Variants in SORBS2 observed in about 807,000 individuals in gnomAD.
The protein encoded by SORBS2 is sorbin and SH3 domain-containing protein 2.
SORBS2 carries 46 observed loss-of-function variants against 97.7 expected under a neutral mutation model. That is an observed-to-expected ratio of 0.47 (90% confidence interval 0.37 to 0.60). SORBS2 has a LOEUF of 0.60. Ranked by LOEUF, SORBS2 falls within the 20% of genes least tolerant of loss-of-function variation. The probability of loss-of-function intolerance (pLI) is 0.00; values close to 1 mark genes in which losing one functional copy is unlikely to be tolerated. For missense variants in SORBS2, 1,316 were observed against 1,282.3 expected, an observed-to-expected ratio of 1.03 and a Z score of -0.40; for synonymous variants, 476 against 473.4, an observed-to-expected ratio of 1.01 and a Z score of -0.07.
intron 12 of SORBS2, among the ~76,000 whole-genome samples, chr4:185,603,727 T>G (rs9918021): frequency 6.6e-6 from 1 of 152,242 alleles, no homozygotes; most frequent in Non-Finnish European, 1.5e-5. Flanking sequence ...AATTTCATGC[T>G]GTGGTTGTCA....
chr4:185,924,037 C>A (rs1417181178), intron 1 of SORBS2, among the ~76,000 whole-genome samples: 1 of 152,180 alleles, frequency 6.6e-6, no homozygotes, highest in Non-Finnish European at 1.5e-5. Flanking sequence ...CTCTTTATCT[C>A]CAGGTGGTAC....
chr4:185,817,623 G>A (rs1014085340), intron 1 of SORBS2, among the ~76,000 whole-genome samples: 2 of 152,192 alleles, frequency 1.3e-5, no homozygotes, highest in African/African-American at 4.8e-5. Context: ...AAAAAGCACT[G>A]GGCTCTGCCG....
chr4:185,648,330 G>A (rs1323391264), intron 3 of SORBS2, among the ~76,000 whole-genome samples: 1 of 152,008 alleles, frequency 6.6e-6, no homozygotes. Context: ...TCCTGGCCAA[G>A]GTGGTGAAAC....
chr4:185,766,365 C>T lies in SORBS2; in HGVS notation c.-198+8862G>A, dbSNP rs9994715. ...ACATTTAGATGGCCATATTGGGTTT[C>T]GGATAGTCTCCCATTCTTAACCATG... On this transcript the variant is annotated intron_variant, in intron 2 of 20. Transcript: ENST00000284776. Among the ~76,000 whole-genome samples the T allele has an allele frequency of 7.7e-3, 1,165 of 152,220 alleles. 15 individuals carry two copies. The highest frequency in any genetic ancestry group is 0.027 in the African/African-American group (1,111 of 41,532).
chr4:185,928,660 C>T (rs2099264915), intron 1 of SORBS2, among the ~76,000 whole-genome samples: 1 of 152,116 alleles, frequency 6.6e-6, no homozygotes, highest in African/African-American at 2.4e-5. Context: ...ATTCTCCTGC[C>T]TCATCCTCCC....
In SORBS2 at chr4:185,636,365, G is replaced by A. The variant is rs190229637; in HGVS notation, c.397-5767C>T. Among the ~76,000 whole-genome samples, 92 of 152,242 alleles carry A rather than the reference G, an allele frequency of 6.0e-4. 1 individual carries two copies. In the East Asian group the frequency reaches 0.018, roughly 29 times the overall value. ...AGTCACTTTTGATTCAGTTCAATAAGCTACCTTGAGTCTAACCAAGTCTCC... is the reference window on the plus strand; with the variant it reads ...AGTCACTTTTGATTCAGTTCAATAAACTACCTTGAGTCTAACCAAGTCTCC... On this transcript the variant is annotated intron_variant, in intron 4 of 14. Coordinates refer to ENST00000418609, the Ensembl canonical transcript of SORBS2.
intron 2 of SORBS2, among the ~76,000 whole-genome samples, chr4:185,689,768 T>C (rs1279681028): frequency 6.6e-6 from 1 of 152,224 alleles, no homozygotes; most frequent in African/African-American, 2.4e-5. Context: ...AGAGAATATC[T>C]TGGGCCATCC....
At chr4:185,925,384 A>G (rs2099263103) in intron 1 of SORBS2, among the ~76,000 whole-genome samples, 1 of 151,682 alleles carries the variant, frequency 6.6e-6, no homozygotes, top group South Asian at 2.1e-4. Context: ...AGTGCAAGAA[A>G]GGGACACATT....
intron 2 of SORBS2, among the ~76,000 whole-genome samples, chr4:185,744,107 C>T (rs2098745593): frequency 6.9e-6 from 1 of 145,140 alleles, no homozygotes; most frequent in African/African-American, 2.6e-5. Context: ...TTCTCTTCTC[C>T]CCCTCCTCCT....
chr4:185,814,530 ACT>A (rs2099192082), intron 1 of SORBS2, among the ~76,000 whole-genome samples: 1 of 151,336 alleles, frequency 6.6e-6, no homozygotes, highest in Non-Finnish European at 1.5e-5. Context: ...ACAGAGGGAG[ACT>A]CTGTCTCTGT....
intron 1 of SORBS2, among the ~76,000 whole-genome samples, chr4:185,876,189 C>T (rs139128029): frequency 0.032 from 4,836 of 152,206 alleles, 123 homozygotes; most frequent in South Asian, 0.052. Context: ...CCCTTTGCAA[C>T]CCCCACTGCC....
chr4:185,871,519 C>A (rs1004874571), intron 1 of SORBS2, among the ~76,000 whole-genome samples: 1 of 152,166 alleles, frequency 6.6e-6, no homozygotes, highest in African/African-American at 2.4e-5. Context: ...ATGCTAAAAC[C>A]CACACTCACA....
At chr4:185,930,388 G>A (rs567615036) in intron 1 of SORBS2, among the ~76,000 whole-genome samples, 4 of 152,094 alleles carry the variant, frequency 2.6e-5, no homozygotes, top group South Asian at 2.1e-4. Context: ...TCCACCACCC[G>A]GGTTCACGCT....
intron 1 of SORBS2, among the ~76,000 whole-genome samples, chr4:185,860,354 G>T (rs1312721011): frequency 6.6e-6 from 1 of 152,340 alleles, no homozygotes; most frequent in Non-Finnish European, 1.5e-5. Flanking sequence ...TCGATAATGA[G>T]TGCCATGCAG....
At chr4:185,602,922 G>A (rs1434527427) in intron 12 of SORBS2, among the ~76,000 whole-genome samples, 2 of 152,148 alleles carry the variant, frequency 1.3e-5, no homozygotes, top group African/African-American at 4.8e-5. Flanking sequence ...TTCAAAAATT[G>A]AGATTTCCTC....
chr4:185,945,671 T>C (rs1032418347), intron 1 of SORBS2, among the ~76,000 whole-genome samples: 5 of 152,204 alleles, frequency 3.3e-5, no homozygotes, highest in African/African-American at 1.2e-4. Flanking sequence ...TTCTCGAGAA[T>C]CAGGCAAACA....
At chr4:185,615,116 T>G in exon 10 of SORBS2, 1 of 1,613,762 alleles carries the variant, frequency 6.2e-7, no homozygotes, top group South Asian at 1.1e-5. Flanking sequence ...TGATCAATTT[T>G]CCTGAGGATG....
chr4:185,674,096 G>A (rs367950365), intron 4 of SORBS2, among the ~76,000 whole-genome samples: 89 of 152,240 alleles, frequency 5.8e-4, no homozygotes, highest in African/African-American at 1.9e-3. Flanking sequence ...ACTAGCCAAT[G>A]GCTGATACCT....
chr4:185,694,234 A>G (rs1224233905), intron 2 of SORBS2, among the ~76,000 whole-genome samples: 1 of 152,224 alleles, frequency 6.6e-6, no homozygotes, highest in Non-Finnish European at 1.5e-5. Flanking sequence ...AGTGTCCTTG[A>G]TTGTACTTAC....
Sources: allele counts gnomAD v4.1 joint callset (sites outside exome capture counted in the v4.1 genomes callset), GRCh38; gene constraint gnomAD v4.1.1; transcripts MANE v1.5; gene names NCBI Gene and HGNC (gene_info 2026-07-23, HGNC 2026-07-21).